MCM9: variants seen among roughly 807,000 people sequenced by gnomAD.
MCM9 encodes the protein DNA helicase MCM9.
A neutral mutation model predicts 72.8 loss-of-function variants in MCM9; 55 were observed. The observed-to-expected ratio is 0.76, with a 90% CI of 0.61 to 0.95. The LOEUF is 0.95. Among genes scored for constraint, MCM9 ranks in the 40% least tolerant of loss-of-function variants. MCM9 has a pLI of 0.00. For synonymous variants in MCM9, 480 were observed against 503.4 expected (o/e 0.95, Z 0.62); for missense variants, 1,279 against 1,377.0 (o/e 0.93, Z 1.13).
chr6:118,935,116 C>G lies in MCM9; in HGVS notation c.-375G>C, dbSNP rs1222690427. On this transcript the variant is annotated 5_prime_UTR_variant, in exon 1 of 14. Transcript: ENST00000619706. The stretch of plus-strand genomic sequence containing the variant: ...GCCTGCGCTCTCGACCGACGCCGGG[C>G]CGCGCACCGCCTCAACTTCCCTGCC... 1 of 152,174 alleles carries G rather than the reference C, an allele frequency of 6.6e-6. No individual in the cohort carries two copies. Among genetic ancestry groups the G allele is most frequent in the African/African-American group, 2.4e-5 (1 of 41,460 alleles). 9.4% of individuals were successfully genotyped at this position (152,174 alleles called of 1,614,324 possible).
intron 8 of MCM9, among the ~76,000 whole-genome samples, chr6:118,873,551 A>C (rs990983974): frequency 1.3e-5 from 2 of 152,318 alleles, no homozygotes; most frequent in Non-Finnish European, 2.9e-5. Flanking sequence ...ACCAATTCTT[A>C]AAAAATGCAA....
rs183352104 is a variant in MCM9, at chr6:118,834,431, G to A, written c.1326-5181C>T. 8.0e-3 allele frequency among the ~76,000 whole-genome samples: 1,214 copies of A among 152,194 alleles called. 7 individuals carry two copies. Among genetic ancestry groups the A allele is most frequent in the Non-Finnish European group, 0.013 (907 of 68,010 alleles). ...TCGGTTATAGATCCTTGAGGAAATC[G>A]CCACACTGTCTTCCACAATGGTTGA... On this transcript the variant is annotated intron_variant, in intron 9 of 13. Transcript: ENST00000619706.
At chr6:118,843,798 T>C (rs1775674423) in intron 9 of MCM9, among the ~76,000 whole-genome samples, 1 of 148,290 alleles carries the variant, frequency 6.7e-6, no homozygotes, top group African/African-American at 2.5e-5. Flanking sequence ...GCGGTTTGCA[T>C]TAAAGGGAAA....
intron 9 of MCM9, among the ~76,000 whole-genome samples, chr6:118,850,943 T>A (rs1361237580): frequency 1.3e-5 from 2 of 151,712 alleles, no homozygotes; most frequent in African/African-American, 4.9e-5. Context: ...CTCAGCCTCT[T>A]GAGTAGCTGG....
chr6:118,886,663 GAA>G (rs1778625510), intron 8 of MCM9, among the ~76,000 whole-genome samples: 1 of 152,178 alleles, frequency 6.6e-6, no homozygotes, highest in African/African-American at 2.4e-5. Context: ...CTTATACTAT[GAA>G]AACAACAGGC....
intron 9 of MCM9, among the ~76,000 whole-genome samples, chr6:118,843,664 A>ACACG (rs1411910671): frequency 2.6e-4 from 17 of 64,658 alleles, no homozygotes; most frequent in Middle Eastern, 6.9e-3. Context: ...ATGTGTATAT[A>ACACG]TATATGTATG....
At chr6:118,846,381 C>T (rs1775864941) in intron 9 of MCM9, among the ~76,000 whole-genome samples, 1 of 151,786 alleles carries the variant, frequency 6.6e-6, no homozygotes, top group African/African-American at 2.4e-5. Flanking sequence ...TCAGTGGAGA[C>T]TAAGTGAAAG....
Position 118,827,793 on chromosome 6 carries a change from C to T in MCM9, c.1732+134G>A, listed in dbSNP as rs551027702. 8.9e-6 allele frequency: 7 copies of T among 786,352 alleles called. No individual in the cohort carries two copies. In the South Asian group the frequency reaches 9.2e-5, roughly 10 times the overall value. The allele number at this position is 786,352 out of a possible 1,614,324, so 48.7% of individuals were successfully genotyped here. A position where few individuals can be genotyped will look rare whatever the true frequency, so the allele number is the denominator to read the frequency against. ...GAGCAGAGATCTTCTGGCTCAGAGC[C>T]TTTATTTTTAAGTGACTATGAGCAC... On this transcript the variant is annotated intron_variant, in intron 11 of 13. Transcript: ENST00000619706.
Position 118,843,484 on chromosome 6 carries a change from C to T in MCM9, c.1325+12887G>A, listed in dbSNP as rs191459964. ...TCTCTACTAAAAATACAAAATTAGCCGGGTGTGGTGACGCATGCCTGTAAT... is the reference window on the plus strand; with the variant it reads ...TCTCTACTAAAAATACAAAATTAGCTGGGTGTGGTGACGCATGCCTGTAAT... On this transcript the variant is annotated intron_variant, in intron 9 of 13. Transcript: ENST00000619706. 6.9e-3 allele frequency among the ~76,000 whole-genome samples: 1,030 copies of T among 150,338 alleles called. 5 individuals carry two copies. Among genetic ancestry groups the T allele is most frequent in the Middle Eastern group, 0.014 (4 of 292 alleles).
At chr6:118,926,963 T>C (rs1781949067) in intron 3 of MCM9, among the ~76,000 whole-genome samples, 3 of 152,202 alleles carry the variant, frequency 2.0e-5, no homozygotes, top group Admixed American at 6.5e-5. Flanking sequence ...ATAAACAGAA[T>C]GTACCAACAA....
At chr6:118,924,270 T>C in intron 3 of MCM9, 143 bp from the exon 4 acceptor site, 1 of 735,112 alleles carries the variant, frequency 1.4e-6, no homozygotes, top group Non-Finnish European at 2.2e-6. Flanking sequence ...AAAAATCAGA[T>C]CATCAACTCT....
intron 3 of MCM9, 107 bp from the exon 4 acceptor site, chr6:118,924,234 A>T: frequency 2.0e-6 from 2 of 990,058 alleles, no homozygotes; most frequent in Non-Finnish European, 3.0e-6. Context: ...TTTCAGGGGG[A>T]AAAAAAAGAT....
At chr6:118,920,174 A>C (rs572243060) in intron 5 of MCM9, 24 of 152,368 alleles carry the variant, frequency 1.6e-4, no homozygotes, top group African/African-American at 5.8e-4. Context: ...TTGCTGAGAC[A>C]GATATTACAG....
At chr6:118,820,100 G>GT (rs1773696042) in intron 13 of MCM9, among the ~76,000 whole-genome samples, 1 of 152,002 alleles carries the variant, frequency 6.6e-6, no homozygotes. Context: ...TTTTTGAAGG[G>GT]TTTTTCGTGT....
At chr6:118,884,447 T>TA (rs1474614381) in intron 8 of MCM9, among the ~76,000 whole-genome samples, 3 of 150,256 alleles carry the variant, frequency 2.0e-5, no homozygotes, top group African/African-American at 7.3e-5. Flanking sequence ...ATTAAAGAAA[T>TA]AAAAAATGCT....
chr6:118,915,082 A>C (rs1780833018), intron 6 of MCM9, among the ~76,000 whole-genome samples: 1 of 152,248 alleles, frequency 6.6e-6, no homozygotes, highest in Non-Finnish European at 1.5e-5. Context: ...TTTCTGATCT[A>C]AAGATTTCCT....
intron 12 of MCM9, 147 bp downstream of exon 12, chr6:118,826,635 T>C: frequency 1.5e-6 from 1 of 655,630 alleles, no homozygotes; most frequent in Non-Finnish European, 2.6e-6. Flanking sequence ...CTTCATTTAA[T>C]CGGTTACCTT....
Position 118,900,815 on chromosome 6 carries a change from C to T in MCM9, c.1150+10835G>A, listed in dbSNP as rs552333381. Reference sequence around the variant, plus strand: ...TGGGCTCTGCAGAAAGTGAAGAATACGATCAAGTTTTAGACTCTGTTTTAG... The same window carrying T: ...TGGGCTCTGCAGAAAGTGAAGAATATGATCAAGTTTTAGACTCTGTTTTAG... On this transcript the variant is annotated intron_variant, in intron 8 of 13. Coordinates refer to ENST00000619706, the MANE Select transcript of MCM9 (RefSeq NM_017696.3). 2.7e-5 allele frequency: 43 copies of T among 1,613,634 alleles called. 1 individual carries two copies. The South Asian group carries it at 3.7e-4, about 14-fold the overall frequency.
intron 3 of MCM9, among the ~76,000 whole-genome samples, chr6:118,927,860 C>T (rs1165337719): frequency 6.6e-6 from 1 of 152,064 alleles, no homozygotes; most frequent in Non-Finnish European, 1.5e-5. Context: ...CACTATATGC[C>T]CCATTGCTTC....
Sources: gnomAD v4.1 joint callset for allele counts (sites outside exome capture counted in the v4.1 genomes callset) on GRCh38, gnomAD v4.1.1 for gene constraint, MANE v1.5 for transcripts, NCBI Gene and HGNC (gene_info 2026-07-23, HGNC 2026-07-21) for gene names.